The following TXLNA variants were observed in gnomAD, a reference collection of about 807,000 sequenced individuals.
TXLNA encodes the protein taxilin alpha.
A neutral mutation model predicts 61.4 loss-of-function variants in TXLNA; 9 were observed. The ratio of observed to expected loss-of-function variants is 0.15; its 90% CI spans 0.09 to 0.26. TXLNA has a LOEUF of 0.26. Among genes scored for constraint, TXLNA ranks in the 10% least tolerant of loss-of-function variants. The pLI is 1.00. For missense variants in TXLNA, 565 were observed against 688.8 expected (o/e 0.82, Z 2.01); for synonymous variants, 257 against 267.7 (o/e 0.96, Z 0.39).
At chr1:32,191,968 AT>A (rs939936650) in intron 6 of TXLNA, among the ~76,000 whole-genome samples, 1 of 152,218 alleles carries the variant, frequency 6.6e-6, no homozygotes, top group African/African-American at 2.4e-5. Flanking sequence ...CATTCTTCCC[AT>A]TTACAAGAGA....
intron 2 of TXLNA, 143 bp downstream of exon 2, chr1:32,180,657 C>T: frequency 8.9e-7 from 1 of 1,120,808 alleles, no homozygotes; most frequent in Non-Finnish European, 1.2e-6. Flanking sequence ...GCGGTCCCCC[C>T]TGCGCTCTGG....
At chr1:32,180,213 G>T (rs187364767) in intron 1 of TXLNA, 101 bp from the exon 2 acceptor site, 7 of 1,283,344 alleles carry the variant, frequency 5.5e-6, no homozygotes, top group Admixed American at 3.2e-5. Flanking sequence ...CTGCCGGTCC[G>T]TTTATTTTAA....
At position 32,181,303 on chromosome 1, in the gene TXLNA, C is replaced by T; in HGVS notation, c.231C>T (p.Arg77=). Residue 77 remains arginine (R), a synonymous_variant, in exon 3 of 11, where the codon CGC becomes CGT. Transcript: ENST00000373610. The part of the protein sequence containing the change: ...ALRDVSEELS[R]QLEDILSTYC... Reference sequence around the variant, plus strand: ...GTGATGTCTCTGAGGAGCTGAGCCGCCAACTGGAAGACATACTGAGCACAT... The same window carrying T: ...GTGATGTCTCTGAGGAGCTGAGCCGTCAACTGGAAGACATACTGAGCACAT... 1 of 1,613,208 alleles carries T rather than the reference C, an allele frequency of 6.2e-7. No homozygotes were observed. Among genetic ancestry groups the T allele is most frequent in the Non-Finnish European group, 8.5e-7 (1 of 1,179,272 alleles).
Position 32,195,204 on chromosome 1 carries a change from G to A in TXLNA, c.*9G>A. On this transcript the variant is annotated 3_prime_UTR_variant, in exon 11 of 11. Transcript: ENST00000373610. ...CCTCCGCCAGGGCCTAGAGAGCCTG[G>A]TGTTGGGTCATGCTGGGAAGGGAGC... 6.4e-7 allele frequency: 1 copy of A among 1,566,446 alleles called. No individual in the cohort carries two copies. The highest frequency in any genetic ancestry group is 8.6e-7 in the Non-Finnish European group (1 of 1,158,936).
At chr1:32,187,706 C>T (rs1642816849) in intron 4 of TXLNA, among the ~76,000 whole-genome samples, 1 of 152,200 alleles carries the variant, frequency 6.6e-6, no homozygotes, top group Non-Finnish European at 1.5e-5. Context: ...TTGGCATCTG[C>T]TGGCTGTGTG....
At chr1:32,193,134 C>G (rs1262842094) in intron 8 of TXLNA, 74 bp from the exon 9 acceptor site, 1 of 914,650 alleles carries the variant, frequency 1.1e-6, no homozygotes, top group Admixed American at 1.7e-5. Flanking sequence ...GAGTCAAGGA[C>G]GGGTCTGAGT....
rs1553133989 is a variant in TXLNA, at chr1:32,179,759, T to TCGGACGTCGG, written c.-46_-37dup. The TCGGACGTCGG allele has an allele frequency of 6.6e-6, 1 of 152,488 alleles. No homozygotes were observed. Among genetic ancestry groups the TCGGACGTCGG allele is most frequent in the Non-Finnish European group, 1.5e-5 (1 of 68,326 alleles). 9.4% of individuals were successfully genotyped at this position (152,488 alleles called of 1,614,324 possible). A position where few individuals can be genotyped will look rare whatever the true frequency, so the allele number is the denominator to read the frequency against. On this transcript the variant is annotated 5_prime_UTR_variant, in exon 1 of 11. Coordinates refer to ENST00000373610, the MANE Select transcript of TXLNA (RefSeq NM_175852.4). Reference sequence around the variant, plus strand: ...TGCGAGGCCAGAGGTGGGGAAGCCATCGGACGTCGGCGGTGAGGTACGTGC... The same window carrying TCGGACGTCGG: ...TGCGAGGCCAGAGGTGGGGAAGCCATCGGACGTCGGCGGACGTCGGCGGTGAGGTACGTGC...
chr1:32,186,305 G>A (rs891624335), intron 4 of TXLNA, among the ~76,000 whole-genome samples: 2 of 152,178 alleles, frequency 1.3e-5, no homozygotes, highest in African/African-American at 4.8e-5. Flanking sequence ...GACTGGAGGA[G>A]AGGACGGGGC....
At chr1:32,191,093 C>CA (rs1159645218) in intron 6 of TXLNA, among the ~76,000 whole-genome samples, 1,100 of 58,330 alleles carry the variant, frequency 0.019, 14 homozygotes, top group Middle Eastern at 0.057. Context: ...GACTCCATCT[C>CA]AAAAAAAAAA....
rs373430019 is a variant in TXLNA, at chr1:32,182,927, C to T, written c.505+1350C>T. On this transcript the variant is annotated intron_variant, in intron 3 of 10. Transcript: ENST00000373610. ...CTAAAGATACAAAAAATCAGCCGGGCGTGGTGGCACGTGCCTATAATCCCA... is the reference window on the plus strand; with the variant it reads ...CTAAAGATACAAAAAATCAGCCGGGTGTGGTGGCACGTGCCTATAATCCCA... Among the ~76,000 whole-genome samples the T allele has an allele frequency of 3.8e-3, 571 of 150,892 alleles. 5 individuals carry two copies. Among genetic ancestry groups the T allele is most frequent in the South Asian group, 0.029 (138 of 4,762 alleles).
Position 32,192,096 on chromosome 1 carries a change from G to A in TXLNA, c.964-215G>A, listed in dbSNP as rs922149853. On this transcript the variant is annotated intron_variant, in intron 6 of 10. Transcript: ENST00000373610. This position sits in a 1 kb window ranked among gnomAD's most constrained non-coding sequence, Gnocchi z 4.2. The stretch of plus-strand genomic sequence containing the variant: ...AGCAGATTCCATCCATAAACCATGT[G>A]CTTACCAAGGTCTGACTCACTGGGA... 6.6e-6 allele frequency among the ~76,000 whole-genome samples: 1 copy of A among 152,222 alleles called. No homozygotes were observed. Among genetic ancestry groups the A allele is most frequent in the Non-Finnish European group, 1.5e-5 (1 of 68,040 alleles).
chr1:32,184,446 A>G, intron 3 of TXLNA, 79 bp from the exon 4 acceptor site: 1 of 897,318 alleles, frequency 1.1e-6, no homozygotes, highest in Non-Finnish European at 1.8e-6. Flanking sequence ...GGCTGTCTTC[A>G]GCACTCATGA....
rs745918588 is a variant in TXLNA, at chr1:32,187,937, C to G, written c.598-17C>G. On this transcript the variant is annotated splice_polypyrimidine_tract_variant and intron_variant, in intron 4 of 10. Coordinates refer to ENST00000373610, the MANE Select transcript of TXLNA (RefSeq NM_175852.4). ...CCCCACAAGATGCTCACCTGCCCTC[C>G]CTATCCCTGTCCCCAGCTGGAGGAG... is the stretch of plus-strand genomic sequence containing the variant. 17 of 1,611,814 alleles carry G rather than the reference C, an allele frequency of 1.1e-5. No individual in the cohort carries two copies. In the Middle Eastern group the frequency reaches 6.6e-4, roughly 63 times the overall value.
chr1:32,186,768 G>A (rs552881282), intron 4 of TXLNA, among the ~76,000 whole-genome samples: 3 of 152,256 alleles, frequency 2.0e-5, no homozygotes, highest in Admixed American at 2.0e-4. Flanking sequence ...GAGATAGTGG[G>A]TGTGCTCTCT....
rs1318420487 is a variant in TXLNA, at chr1:32,195,918, TTGAC to T, written c.*724_*727del. ...GTGCCTCTCTAGCCTGCACAAATGA[TTGAC>T]AAGAGATCACCCAAAGGATTATTTC... On this transcript the variant is annotated 3_prime_UTR_variant, in exon 11 of 11. Transcript: ENST00000373610. The T allele has an allele frequency of 3.8e-6, 1 of 265,342 alleles. No individual in the cohort carries two copies. Among genetic ancestry groups the T allele is most frequent in the Non-Finnish European group, 7.8e-6 (1 of 128,538 alleles). 16.4% of individuals were successfully genotyped at this position (265,342 alleles called of 1,614,324 possible).
rs1642936141 is a variant in TXLNA at position 32,192,827 on chromosome 1, G to A, written c.1158+96G>A. The A allele has an allele frequency of 8.6e-6, 11 of 1,282,770 alleles. No individual in the cohort carries two copies. The highest frequency in any genetic ancestry group is 1.5e-5 in the African/African-American group (1 of 68,484). The allele number at this position is 1,282,770 out of a possible 1,614,324, so 79.5% of individuals were successfully genotyped here. A position where few individuals can be genotyped will look rare whatever the true frequency, so the allele number is the denominator to read the frequency against. ...TGGGACCCTCATTCTAGGACTGGCTGTGTCCTGGCTGCTATGACGCCTTGG... is the reference window on the plus strand; with the variant it reads ...TGGGACCCTCATTCTAGGACTGGCTATGTCCTGGCTGCTATGACGCCTTGG... On this transcript the variant is annotated intron_variant, in intron 8 of 10. Transcript: ENST00000373610. This position sits in a 1 kb window ranked among gnomAD's most constrained non-coding sequence, Gnocchi z 4.2.
chr1:32,192,459 G>A lies in TXLNA; in HGVS notation c.1083+29G>A, dbSNP rs780689537. 52 of 1,529,232 alleles carry A rather than the reference G, an allele frequency of 3.4e-5. No homozygotes were observed. The East Asian group carries it at 1.1e-3, about 31-fold the overall frequency. 94.7% of individuals were successfully genotyped at this position (1,529,232 alleles called of 1,614,324 possible). On this transcript the variant is annotated intron_variant, in intron 7 of 10. Coordinates refer to ENST00000373610, the MANE Select transcript of TXLNA (RefSeq NM_175852.4). The surrounding 1 kb of genome is among the most constrained non-coding windows in gnomAD (Gnocchi z 4.2). The stretch of plus-strand genomic sequence containing the variant: ...AGGCTCAGGCCCCAGGGTTGGGGTG[G>A]GGGTGGGAGGAGACAGGCTGGGCTC...
intron 2 of TXLNA, 122 bp from the exon 3 acceptor site, chr1:32,181,120 A>T: frequency 1.3e-6 from 1 of 755,650 alleles, no homozygotes; most frequent in Non-Finnish European, 1.9e-6. Flanking sequence ...CTCAGTTTCC[A>T]TAAAAAAAAA....
At chr1:32,188,378 C>T (rs934181431) in intron 5 of TXLNA, among the ~76,000 whole-genome samples, 14 of 152,214 alleles carry the variant, frequency 9.2e-5, no homozygotes, top group Admixed American at 6.5e-4. Context: ...GTGGCTCACA[C>T]CTGTAATCCC....
Sources: allele counts gnomAD v4.1 joint callset (sites outside exome capture counted in the v4.1 genomes callset), GRCh38; gene constraint gnomAD v4.1.1; non-coding constraint Gnocchi (gnomAD v3.1); transcripts MANE v1.5; gene names NCBI Gene and HGNC (gene_info 2026-07-23, HGNC 2026-07-21).